TRPM7: variants seen among roughly 807,000 people sequenced by gnomAD.
TRPM7 encodes the protein transient receptor potential cation channel subfamily M member 7, also known as LTRPC ion channel family member 7.
A neutral mutation model predicts 229.7 loss-of-function variants in TRPM7; 134 were observed. The ratio of observed to expected loss-of-function variants is 0.58; its 90% CI spans 0.51 to 0.67. TRPM7 has a LOEUF of 0.67. TRPM7 is among the 30% of genes least tolerant of loss of function. The probability of loss-of-function intolerance (pLI) is 0.00; values close to 1 mark genes in which losing one functional copy is unlikely to be tolerated. For missense variants in TRPM7, 1,901 were observed against 2,210.0 expected (o/e 0.86, Z 2.80); for synonymous variants, 699 against 715.2 (o/e 0.98, Z 0.36).
chr15:50,583,250 T>A (rs1405015011), intron 28 of TRPM7, 91 bp from the exon 29 acceptor site: 3 of 801,806 alleles, frequency 3.7e-6, no homozygotes, highest in South Asian at 1.9e-5. Flanking sequence ...AGGCACAGTA[T>A]AACCTTCATA....
chr15:50,637,431 T>C lies in TRPM7; in HGVS notation c.823A>G (p.Ile275Val). The C allele has an allele frequency of 6.2e-7, 1 of 1,613,128 alleles. No homozygotes were observed. The highest frequency in any genetic ancestry group is 8.5e-7 in the Non-Finnish European group (1 of 1,179,652). Reference sequence around the variant, plus strand: ...TTGTGAATTCACTTACTAGCATGAATTCTTTGCTGATTAATAGTTTTTTCA... The same window carrying C: ...TTGTGAATTCACTTACTAGCATGAACTCTTTGCTGATTAATAGTTTTTTCA... ...ELEKTINQQR[I>V]HARIGQGVPV... is the part of the protein sequence containing the mutation. The change falls in exon 7 of 39, where the codon ATT becomes GTT. Residue 275 changes from isoleucine to valine, a missense_variant. By Grantham distance (29) the Ile-to-Val change is conservative. Coordinates refer to ENST00000646667, the MANE Select transcript of TRPM7 (RefSeq NM_017672.6).
intron 5 of TRPM7, among the ~76,000 whole-genome samples, chr15:50,640,729 C>G (rs186211500): frequency 1.6e-4 from 25 of 152,042 alleles, no homozygotes; most frequent in African/African-American, 5.3e-4. Context: ...AAATATGTGA[C>G]GATTAATTTA....
At chr15:50,639,241 T>C (rs1423778134) in intron 6 of TRPM7, among the ~76,000 whole-genome samples, 183 bp downstream of exon 6, 3 of 152,210 alleles carry the variant, frequency 2.0e-5, no homozygotes, top group African/African-American at 4.8e-5. Flanking sequence ...TAATTATTTA[T>C]AGTTATGAAT....
chr15:50,598,359 A>C (rs1036259485), intron 22 of TRPM7, among the ~76,000 whole-genome samples: 2 of 152,206 alleles, frequency 1.3e-5, no homozygotes, highest in Non-Finnish European at 2.9e-5. Flanking sequence ...ATTGAACAAC[A>C]AACTTAATAT....
chr15:50,684,156 GTTT>G (rs1029107209), intron 1 of TRPM7, among the ~76,000 whole-genome samples: 1 of 142,820 alleles, frequency 7.0e-6, no homozygotes, highest in Non-Finnish European at 1.5e-5. Context: ...TGATTAAGTC[GTTT>G]TTTTTTTTTC....
At chr15:50,600,963 T>C (rs935067025) in intron 21 of TRPM7, among the ~76,000 whole-genome samples, 1 of 152,186 alleles carries the variant, frequency 6.6e-6, no homozygotes, top group Non-Finnish European at 1.5e-5. Flanking sequence ...AATGGACAAA[T>C]AATGCCTTCA....
At chr15:50,666,836 CAAGTAA>C (rs1391522401) in intron 1 of TRPM7, among the ~76,000 whole-genome samples, 1 of 151,922 alleles carries the variant, frequency 6.6e-6, no homozygotes, top group South Asian at 2.1e-4. Flanking sequence ...GGTGGCAGCA[CAAGTAA>C]TAGTAAGACT....
chr15:50,631,517 T>C (rs1289504226), intron 9 of TRPM7, 28 bp from the exon 10 acceptor site: 7 of 1,470,054 alleles, frequency 4.8e-6, no homozygotes, highest in East Asian at 2.3e-5. Context: ...TATAACATTA[T>C]GCCTTTATAT....
chr15:50,623,126 ATT>A (rs1177973948), intron 12 of TRPM7, among the ~76,000 whole-genome samples: 1 of 152,094 alleles, frequency 6.6e-6, no homozygotes, highest in Non-Finnish European at 1.5e-5. Flanking sequence ...AAAAGTTTGC[ATT>A]TTTGGCCGGG....
Position 50,643,322 on chromosome 15 carries a change from G to A in TRPM7, c.535+18C>T, listed in dbSNP as rs116730988. Reference sequence around the variant, plus strand: ...AATTAAAACACACTAAATAAAATTGGTATAATCATCACATTACCTGTGTTT... The same window carrying A: ...AATTAAAACACACTAAATAAAATTGATATAATCATCACATTACCTGTGTTT... On this transcript the variant is annotated intron_variant, in intron 5 of 38. Transcript: ENST00000646667. 6.3e-7 allele frequency: 1 copy of A among 1,594,122 alleles called. No individual in the cohort carries two copies. Among genetic ancestry groups the A allele is most frequent in the Non-Finnish European group, 8.6e-7 (1 of 1,164,746 alleles).
intron 10 of TRPM7, among the ~76,000 whole-genome samples, chr15:50,629,180 A>G (rs2060652037): frequency 7.4e-6 from 1 of 135,118 alleles, no homozygotes; most frequent in South Asian, 2.3e-4. Context: ...GGTTTTTGAT[A>G]TACTCCAAAA....
chr15:50,642,745 T>C (rs1010270628), intron 5 of TRPM7, among the ~76,000 whole-genome samples: 6 of 152,176 alleles, frequency 3.9e-5, no homozygotes, highest in Admixed American at 6.5e-5. Flanking sequence ...TATAGCAGTA[T>C]GAAAACAGAC....
At chr15:50,576,206 A>G (rs1397112283) in intron 31 of TRPM7, among the ~76,000 whole-genome samples, 1 of 152,158 alleles carries the variant, frequency 6.6e-6, no homozygotes, top group Non-Finnish European at 1.5e-5. Context: ...TCCCATTCAG[A>G]AAGAAAAATC....
At chr15:50,679,529 TA>T (rs1378016890) in intron 1 of TRPM7, among the ~76,000 whole-genome samples, 64 of 51,712 alleles carry the variant, frequency 1.2e-3, no homozygotes, top group African/African-American at 4.7e-3. Context: ...TATATATATA[TA>T]TATATATATT....
In TRPM7 at chr15:50,596,387, G is replaced by C. The variant is rs770816287; in HGVS notation, c.3164-6C>G. The C allele has an allele frequency of 6.4e-7, 1 of 1,565,070 alleles. No homozygotes were observed. The highest frequency in any genetic ancestry group is 2.3e-5 in the East Asian group (1 of 44,116). ...AACAGAATCATTTGCACACACTTTA[G>C]AGAGAAAAAAAGAAAAAAACAAAAA... On this transcript the variant is annotated splice_polypyrimidine_tract_variant and splice_region_variant and intron_variant, in intron 22 of 38. Coordinates refer to ENST00000646667, the MANE Select transcript of TRPM7 (RefSeq NM_017672.6).
At chr15:50,619,825 C>T in intron 12 of TRPM7, 27 bp from the exon 13 acceptor site, 2 of 1,576,590 alleles carry the variant, frequency 1.3e-6, no homozygotes, top group Non-Finnish European at 1.7e-6. Flanking sequence ...TTACAGCAAA[C>T]TATTATTTTT....
At chr15:50,632,486 A>T (rs981747108) in intron 9 of TRPM7, among the ~76,000 whole-genome samples, 3 of 152,178 alleles carry the variant, frequency 2.0e-5, no homozygotes, top group Non-Finnish European at 4.4e-5. Context: ...GATTGAAACA[A>T]AGCAGCACTG....
intron 1 of TRPM7, among the ~76,000 whole-genome samples, chr15:50,682,559 A>G (rs2062266173): frequency 6.6e-6 from 1 of 151,424 alleles, no homozygotes. Context: ...CTGGGCGACA[A>G]GAGGGAAACT....
Position 50,609,940 on chromosome 15 carries a change from G to A in TRPM7, c.2302C>T (p.Pro768Ser). The change falls in exon 18 of 39, where the codon CCA becomes TCA. Residue 768 changes from proline (P) to serine (S), a missense_variant. Physicochemically the swap from Pro to Ser is moderately conservative, Grantham distance 74. Transcript: ENST00000646667. Reference sequence around the variant, plus strand: ...TACTCTAACAGCAATATGGCAGGTGGAACTAAAATGCTTAGTATGACCTAA... The same window carrying A: ...TACTCTAACAGCAATATGGCAGGTGAAACTAAAATGCTTAGTATGACCTAA... ...WYKVILSILV[P>S]PAILLLEYKT... 1 of 1,605,308 alleles carries A rather than the reference G, an allele frequency of 6.2e-7. No individual in the cohort carries two copies. The highest frequency in any genetic ancestry group is 8.5e-7 in the Non-Finnish European group (1 of 1,175,910).
Sources: gnomAD v4.1 joint callset for allele counts (sites outside exome capture counted in the v4.1 genomes callset) on GRCh38, gnomAD v4.1.1 for gene constraint, MANE v1.5 for transcripts, NCBI Gene and HGNC (gene_info 2026-07-23, HGNC 2026-07-21) for gene names.